FCN1: variants seen among roughly 807,000 people sequenced by gnomAD.
The protein encoded by FCN1 is ficolin-1.
In FCN1, 42 loss-of-function variants were observed where a neutral mutation model predicts 35.6. That is an observed-to-expected ratio of 1.18 (90% CI 0.92 to 1.53). FCN1 has a LOEUF of 1.53. Ranked by LOEUF, FCN1 falls within the 40% of genes most tolerant of loss-of-function variation. The pLI is 0.00. For missense variants in FCN1, 439 were observed against 428.4 expected (o/e 1.02, Z -0.22); for synonymous variants, 179 against 169.8 (o/e 1.05, Z -0.42).
At position 134,907,690 on chromosome 9, in the gene FCN1, A is replaced by G. The variant is rs1487168427; in HGVS notation, c.*2108T>C. On this transcript the variant is annotated 3_prime_UTR_variant, in exon 9 of 9. Transcript: ENST00000371806. Reference sequence around the variant, plus strand: ...TTGCTTTTGAAAAACTTTATCTACAATGGAATCCATAGCACATACCCTCTT... The same window carrying G: ...TTGCTTTTGAAAAACTTTATCTACAGTGGAATCCATAGCACATACCCTCTT... 3.3e-5 allele frequency: 5 copies of G among 152,286 alleles called. No homozygotes were observed. Among genetic ancestry groups the G allele is most frequent in the Middle Eastern group, 3.4e-3 (1 of 294 alleles). 9.4% of individuals were successfully genotyped at this position (152,286 alleles called of 1,614,324 possible). A position where few individuals can be genotyped will look rare whatever the true frequency, so the allele number is the denominator to read the frequency against.
At chr9:134,915,398 G>C (rs906562381) in intron 2 of FCN1, among the ~76,000 whole-genome samples, 28 of 152,152 alleles carry the variant, frequency 1.8e-4, no homozygotes, top group Non-Finnish European at 4.0e-4. Flanking sequence ...GAGTGTATGG[G>C]GGCTGGTTCT....
chr9:134,916,423 T>G lies in FCN1; in HGVS notation c.142A>C (p.Thr48Pro). The G allele has an allele frequency of 6.2e-7, 1 of 1,614,194 alleles. No homozygotes were observed. The highest frequency in any genetic ancestry group is 8.5e-7 in the Non-Finnish European group (1 of 1,180,036). Residue 48 changes from threonine (T) to proline (P), a missense_variant, in exon 2 of 9, where the codon ACC (threonine) becomes CCC (proline). Coordinates refer to ENST00000371806, the MANE Select transcript of FCN1 (RefSeq NM_002003.5). ...VVGLEGSDKLTILRGCPGLPG... is the reference protein window; with the variant it reads ...VVGLEGSDKLPILRGCPGLPG... ...AGCCCCGGGCAGCCTCGGAGAATGG[T>G]GAGCTTGTCAGAGCCCTCCAGGCCC... is the stretch of plus-strand genomic sequence containing the variant.
chr9:134,912,462 C>T, intron 7 of FCN1, 24 bp downstream of exon 7: 1 of 1,609,498 alleles, frequency 6.2e-7, no homozygotes, highest in Non-Finnish European at 8.5e-7. Flanking sequence ...CCCCCCAACC[C>T]CTGAGCCACG....
Position 134,914,407 on chromosome 9 carries a change from C to G in FCN1, c.285G>C (p.Glu95Asp), listed in dbSNP as rs143361034. 3.7e-6 allele frequency: 6 copies of G among 1,614,068 alleles called. No individual in the cohort carries two copies. The highest frequency in any genetic ancestry group is 4.2e-6 in the Non-Finnish European group (5 of 1,180,014). ...CACCTTTCTCTCCACGCATCCCCTT[C>G]TCTCCTCGGTCTCCTGGAGGAAGAG... ...GPVGPKGDRG[E>D]KGMRGEKGDA... The change falls in exon 4 of 9, where the codon GAG becomes GAC. Residue 95 changes from glutamate (E) to aspartate (D), a missense_variant. Glu to Asp is a conservative substitution (Grantham distance 45, BLOSUM62 2). Coordinates refer to ENST00000371806, the MANE Select transcript of FCN1 (RefSeq NM_002003.5).
intron 4 of FCN1, 22 bp from the exon 5 acceptor site, chr9:134,913,635 T>C (rs1386147698): frequency 6.3e-7 from 1 of 1,590,788 alleles, no homozygotes; most frequent in African/African-American, 1.3e-5. Flanking sequence ...GAGGAGACAC[T>C]TGTCATAAGC....
Position 134,906,877 on chromosome 9 carries a change from C to G in FCN1, c.*2921G>C, listed in dbSNP as rs1830962401. 1 of 152,094 alleles carries G rather than the reference C, an allele frequency of 6.6e-6. No individual in the cohort carries two copies. The highest frequency in any genetic ancestry group is 2.1e-4 in the South Asian group (1 of 4,810). 9.4% of individuals were successfully genotyped at this position (152,094 alleles called of 1,614,324 possible). A position where few individuals can be genotyped will look rare whatever the true frequency, so the allele number is the denominator to read the frequency against. ...CTTGAGGTCGGGAGTTCAAGACCAG[C>G]CTGGCCAACACGGCGAAACCCCATC... On this transcript the variant is annotated 3_prime_UTR_variant, in exon 9 of 9. Transcript: ENST00000371806.
chr9:134,911,742 G>A (rs556200646), intron 7 of FCN1, among the ~76,000 whole-genome samples: 12 of 152,286 alleles, frequency 7.9e-5, no homozygotes, highest in African/African-American at 2.4e-4. Context: ...TTGCTATCAG[G>A]CCCTCAGGGA....
rs74510246 is a variant in FCN1 at position 134,908,580 on chromosome 9, G to C, written c.*1218C>G. ...TGGAGACCCTGTCCCATGGGGCTTG[G>C]GGGGAGAGGGGACAACGGATGAAGG... On this transcript the variant is annotated 3_prime_UTR_variant, in exon 9 of 9. Transcript: ENST00000371806. 8.5e-5 allele frequency: 13 copies of C among 153,728 alleles called. No homozygotes were observed. Among genetic ancestry groups the C allele is most frequent in the East Asian group, 7.7e-4 (4 of 5,192 alleles). The allele number at this position is 153,728 out of a possible 1,614,324, so 9.5% of individuals were successfully genotyped here. A position where few individuals can be genotyped will look rare whatever the true frequency, so the allele number is the denominator to read the frequency against.
In FCN1 at chr9:134,905,259, A is replaced by G. The variant is rs1310244114; in HGVS notation, c.*4539T>C. Among the ~76,000 whole-genome samples, 1 of 152,236 alleles carries G rather than the reference A, an allele frequency of 6.6e-6. No individual in the cohort carries two copies. Among genetic ancestry groups the G allele is most frequent in the Non-Finnish European group, 1.5e-5 (1 of 68,046 alleles). ...AAAGAACAGAAACAACACTATGTGG[A>G]TGTCCACGAATGCCCAAATGTTGCT... On this transcript the variant is annotated 3_prime_UTR_variant, in exon 9 of 9. Transcript: ENST00000371806.
At chr9:134,911,605 G>A (rs1193729327) in intron 7 of FCN1, among the ~76,000 whole-genome samples, 1 of 151,566 alleles carries the variant, frequency 6.6e-6, no homozygotes, top group Non-Finnish European at 1.5e-5. Context: ...ACCAGCCTCA[G>A]CCTCCCAAAA....
chr9:134,916,536 G>T, intron 1 of FCN1, 75 bp from the exon 2 acceptor site: 1 of 1,428,968 alleles, frequency 7.0e-7, no homozygotes, highest in Non-Finnish European at 9.9e-7. Flanking sequence ...TGCTCTGCTG[G>T]GGCCTTGGTC....
At position 134,914,251 on chromosome 9, in the gene FCN1, C is replaced by A. The variant is rs917203174; in HGVS notation, c.307+134G>T. On this transcript the variant is annotated intron_variant, in intron 4 of 8. Coordinates refer to ENST00000371806, the MANE Select transcript of FCN1 (RefSeq NM_002003.5). ...GATTCTGACAACAAAGCCCGCTGGA[C>A]TCCTTCCACCCCTCCCTGCCCACAG... 4 of 817,758 alleles carry A rather than the reference C, an allele frequency of 4.9e-6. No individual in the cohort carries two copies. In the African/African-American group the frequency reaches 6.7e-5, roughly 14 times the overall value. The allele number at this position is 817,758 out of a possible 1,614,324, so 50.7% of individuals were successfully genotyped here. A position where few individuals can be genotyped will look rare whatever the true frequency, so the allele number is the denominator to read the frequency against.
chr9:134,915,218 C>T (rs958301078), intron 2 of FCN1, among the ~76,000 whole-genome samples: 6 of 152,168 alleles, frequency 3.9e-5, no homozygotes, highest in East Asian at 3.9e-4. Context: ...AGAGGGTGGG[C>T]GCCACGTGCA....
At chr9:134,913,226 G>A in intron 5 of FCN1, 83 bp from the exon 6 acceptor site, 8 of 1,560,112 alleles carry the variant, frequency 5.1e-6, no homozygotes, top group Non-Finnish European at 6.1e-6. Context: ...CAGGAGGGAG[G>A]AGGAGGGCCA....
In FCN1 at chr9:134,909,516, C is replaced by A. The variant is rs1027717377; in HGVS notation, c.*282G>T. The A allele has an allele frequency of 7.4e-7, 1 of 1,358,380 alleles. No individual in the cohort carries two copies. Among genetic ancestry groups the A allele is most frequent in the Non-Finnish European group, 9.7e-7 (1 of 1,033,804 alleles). The allele number at this position is 1,358,380 out of a possible 1,614,324, so 84.1% of individuals were successfully genotyped here. A position where few individuals can be genotyped will look rare whatever the true frequency, so the allele number is the denominator to read the frequency against. On this transcript the variant is annotated 3_prime_UTR_variant, in exon 9 of 9. Coordinates refer to ENST00000371806, the MANE Select transcript of FCN1 (RefSeq NM_002003.5). ...TACCAAATTCCAGGGAAAGACCTGC[C>A]GTGCAACAGACACAGGAAAGTGATC...
In FCN1 at chr9:134,914,235, A is replaced by T. The variant is rs531041758; in HGVS notation, c.307+150T>A. On this transcript the variant is annotated intron_variant, in intron 4 of 8. Coordinates refer to ENST00000371806, the MANE Select transcript of FCN1 (RefSeq NM_002003.5). ...GGTTTGAGCCCTCGTGGATTCTGAC[A>T]ACAAAGCCCGCTGGACTCCTTCCAC... is the stretch of plus-strand genomic sequence containing the variant. 18 of 757,932 alleles carry T rather than the reference A, an allele frequency of 2.4e-5. 1 individual carries two copies. In the East Asian group the frequency reaches 4.2e-4, roughly 18 times the overall value. The allele number at this position is 757,932 out of a possible 1,614,324, so 47.0% of individuals were successfully genotyped here. A position where few individuals can be genotyped will look rare whatever the true frequency, so the allele number is the denominator to read the frequency against.
rs1039359762 is a variant in FCN1 at position 134,903,421 on chromosome 9, C to T, written c.*6377G>A. On this transcript the variant is annotated 3_prime_UTR_variant, in exon 9 of 9. Transcript: ENST00000371806. ...AAATCATATTAAGTTTGTTCTCTGACCCTGATAGAGGTAAGCCAGAAATCA... is the reference window on the plus strand; with the variant it reads ...AAATCATATTAAGTTTGTTCTCTGATCCTGATAGAGGTAAGCCAGAAATCA... 1.3e-5 allele frequency among the ~76,000 whole-genome samples: 2 copies of T among 151,998 alleles called. No individual in the cohort carries two copies. The highest frequency in any genetic ancestry group is 2.9e-5 in the Non-Finnish European group (2 of 67,992).
At position 134,909,390 on chromosome 9, in the gene FCN1, G is replaced by A; in HGVS notation, c.*408C>T. ...TGGGGGTGGAGGTGAGGATCGCCCT[G>A]TGTCAATTACTGGAGGTGGAAAATC... On this transcript the variant is annotated 3_prime_UTR_variant, in exon 9 of 9. Transcript: ENST00000371806. 4 of 1,290,098 alleles carry A rather than the reference G, an allele frequency of 3.1e-6. No individual in the cohort carries two copies. The highest frequency in any genetic ancestry group is 4.0e-6 in the Non-Finnish European group (4 of 988,954). The allele number at this position is 1,290,098 out of a possible 1,614,324, so 79.9% of individuals were successfully genotyped here.
chr9:134,905,810 C>CTCTTCTTCT lies in FCN1; in HGVS notation c.*3979_*3987dup, dbSNP rs1186494371. The CTCTTCTTCT allele has an allele frequency of 1.3e-4, 7 of 53,828 alleles. 1 individual carries two copies. Among genetic ancestry groups the CTCTTCTTCT allele is most frequent in the African/African-American group, 1.3e-3 (7 of 5,462 alleles). The allele number at this position is 53,828 out of a possible 1,614,324, so 3.3% of individuals were successfully genotyped here. Reference sequence around the variant, plus strand: ...CTGCTGCTGCTTCTTCTTCTTCTTCCTCTTCTTCTTCTTCTTCCTCTTCCT... The same window carrying CTCTTCTTCT: ...CTGCTGCTGCTTCTTCTTCTTCTTCCTCTTCTTCTTCTTCTTCTTCTTCTTCCTCTTCCT... On this transcript the variant is annotated 3_prime_UTR_variant, in exon 9 of 9. Transcript: ENST00000371806.
Sources: gnomAD v4.1 joint callset for allele counts (sites outside exome capture counted in the v4.1 genomes callset) on GRCh38, gnomAD v4.1.1 for gene constraint, MANE v1.5 for transcripts, NCBI Gene and HGNC (gene_info 2026-07-23, HGNC 2026-07-21) for gene names.